Variants in KALRN observed in about 807,000 individuals in gnomAD.
KALRN encodes the protein kalirin RhoGEF kinase.
In KALRN, 70 loss-of-function variants were observed where a neutral mutation model predicts 353.7. That is an observed-to-expected ratio of 0.20 (90% CI 0.16 to 0.24). The LOEUF (loss-of-function observed/expected upper bound fraction) is 0.24, where lower values mean the gene tolerates loss of function less well. Among genes scored for constraint, KALRN ranks in the 10% least tolerant of loss-of-function variants. KALRN has a pLI of 1.00. For missense variants in KALRN, 2,791 were observed against 3,756.7 expected, an observed-to-expected ratio of 0.74 and a Z score of 6.72; for synonymous variants, 1,391 against 1,434.8, an observed-to-expected ratio of 0.97 and a Z score of 0.69.
At chr3:124,078,117 G>A (rs1577839684) in intron 1 of KALRN, among the ~76,000 whole-genome samples, 1 of 152,268 alleles carries the variant, frequency 6.6e-6, no homozygotes, top group East Asian at 1.9e-4. Flanking sequence ...GAACTACTTG[G>A]TGATCTCTGT....
chr3:124,475,912 A>G (rs1221116205), intron 26 of KALRN, among the ~76,000 whole-genome samples: 1 of 152,146 alleles, frequency 6.6e-6, no homozygotes, highest in Admixed American at 6.6e-5. Context: ...TAATGCTGAT[A>G]AATAATTTAT....
chr3:124,563,219 A>G (rs1008162272), intron 34 of KALRN, 130 bp downstream of exon 34: 2 of 994,806 alleles, frequency 2.0e-6, no homozygotes, highest in Non-Finnish European at 2.7e-6. Flanking sequence ...TTTCTTTGGG[A>G]CCTGACTGTG....
At chr3:124,228,412 G>A (rs2078813260) in intron 2 of KALRN, among the ~76,000 whole-genome samples, 1 of 152,202 alleles carries the variant, frequency 6.6e-6, no homozygotes, top group East Asian at 1.9e-4. Context: ...GATCAGGGAC[G>A]GGAGATTTTT....
chr3:124,214,230 T>G (rs955004790), intron 1 of KALRN, among the ~76,000 whole-genome samples: 7 of 152,136 alleles, frequency 4.6e-5, no homozygotes, highest in Admixed American at 6.6e-5. Flanking sequence ...TTTTATAATC[T>G]TTTTCACACT....
In KALRN at chr3:124,174,420, C is replaced by A. The variant is rs188303163; in HGVS notation, c.74-53570C>A. 3.4e-3 allele frequency among the ~76,000 whole-genome samples: 511 copies of A among 152,174 alleles called. 4 individuals are homozygous for A. The highest frequency in any genetic ancestry group is 8.1e-3 in the Admixed American group (124 of 15,292). On this transcript the variant is annotated intron_variant, in intron 1 of 59. Coordinates refer to ENST00000682506, the MANE Select transcript of KALRN (RefSeq NM_001388419.1). ...CTGCACTCCAGCCTGGGCGACAGAG[C>A]AAGACTCTGTCTTAAAAAAAGGAAA...
intron 37 of KALRN, among the ~76,000 whole-genome samples, chr3:124,648,606 T>C (rs1409063577): frequency 6.6e-6 from 1 of 152,196 alleles, no homozygotes; most frequent in Non-Finnish European, 1.5e-5. Context: ...CAGCATCTAA[T>C]GGTCAAGCGA....
chr3:124,064,906 A>G lies in KALRN; in HGVS notation c.73+31093A>G, dbSNP rs115600533. Among the ~76,000 whole-genome samples, 828 of 152,062 alleles carry G rather than the reference A, an allele frequency of 5.4e-3. 4 individuals carry two copies. The highest frequency in any genetic ancestry group is 0.018 in the African/African-American group (753 of 41,476). The stretch of plus-strand genomic sequence containing the variant: ...TCCTCCCCTCTTGGTGAGACTTCTC[A>G]CCCCAGGATGACCCCCCAATCCCTG... On this transcript the variant is annotated intron_variant, in intron 1 of 59. Coordinates refer to ENST00000682506, the MANE Select transcript of KALRN (RefSeq NM_001388419.1).
At chr3:124,387,289 C>G (rs1351948668) in intron 11 of KALRN, among the ~76,000 whole-genome samples, 1 of 152,194 alleles carries the variant, frequency 6.6e-6, no homozygotes, top group Non-Finnish European at 1.5e-5. Context: ...GCTATAAAGT[C>G]ACATTCATGT....
chr3:124,398,891 G>C lies in KALRN; in HGVS notation c.2346+20G>C, dbSNP rs767647259. Reference sequence around the variant, plus strand: ...ATCGAGGTAGCAGGGGGCCAGGAGGGGAGGTGGAGAGGGGCCAAGAAGTGC... The same window carrying C: ...ATCGAGGTAGCAGGGGGCCAGGAGGCGAGGTGGAGAGGGGCCAAGAAGTGC... On this transcript the variant is annotated intron_variant, in intron 13 of 59. Coordinates refer to ENST00000682506, the MANE Select transcript of KALRN (RefSeq NM_001388419.1). The C allele has an allele frequency of 1.3e-6, 2 of 1,585,228 alleles. No individual in the cohort carries two copies. The highest frequency in any genetic ancestry group is 1.2e-5 in the South Asian group (1 of 85,112).
chr3:124,114,768 C>T (rs1340875982), intron 1 of KALRN, among the ~76,000 whole-genome samples: 1 of 152,092 alleles, frequency 6.6e-6, no homozygotes. Context: ...GGCTGAGGTG[C>T]AACATGAGGA....
chr3:124,660,419 C>T (rs179688), intron 43 of KALRN, among the ~76,000 whole-genome samples: 42,929 of 151,950 alleles, frequency 0.28, 7,283 homozygotes, highest in African/African-American at 0.48. Context: ...CAGTCACTCA[C>T]GCCTGTAATC....
rs79437031 is a variant in KALRN at position 124,293,016 on chromosome 3, T to A, written c.970-5775T>A. ...CTGATTTGAATTCTGTTCCTTGCGC[T>A]CTAACACTCATACAATTTTATTTTG... On this transcript the variant is annotated intron_variant, in intron 5 of 59. Coordinates refer to ENST00000682506, the MANE Select transcript of KALRN (RefSeq NM_001388419.1). Among the ~76,000 whole-genome samples the A allele has an allele frequency of 4.9e-3, 752 of 152,346 alleles. 2 individuals are homozygous for A. The highest frequency in any genetic ancestry group is 0.01 in the Middle Eastern group (3 of 294).
chr3:124,571,042 C>T (rs2073456038), intron 34 of KALRN, among the ~76,000 whole-genome samples: 1 of 152,180 alleles, frequency 6.6e-6, no homozygotes, highest in Non-Finnish European at 1.5e-5. Flanking sequence ...GAAATCCAAA[C>T]ACTTTCTACC....
chr3:124,571,573 A>G (rs1347051805), intron 34 of KALRN, among the ~76,000 whole-genome samples: 2 of 152,184 alleles, frequency 1.3e-5, no homozygotes, highest in Non-Finnish European at 2.9e-5. Context: ...GTCTTCCTGA[A>G]TTACCTCTAG....
At chr3:124,717,544 A>C (rs1317731849) in intron 59 of KALRN, among the ~76,000 whole-genome samples, 159 bp downstream of exon 59, 2 of 151,960 alleles carry the variant, frequency 1.3e-5, no homozygotes, top group Admixed American at 1.3e-4. Context: ...AAATACAAAA[A>C]AATTAGCCAG....
intron 43 of KALRN, among the ~76,000 whole-genome samples, 162 bp downstream of exon 43, chr3:124,659,619 T>C (rs1197367205): frequency 6.6e-6 from 1 of 152,188 alleles, no homozygotes; most frequent in African/African-American, 2.4e-5. Context: ...TTTATCTGAC[T>C]GCTGGTTACT....
chr3:124,584,661 G>A (rs1464563361), intron 34 of KALRN: 7 of 1,413,446 alleles, frequency 5.0e-6, no homozygotes, highest in South Asian at 1.5e-5. Context: ...AGGTGGCAGT[G>A]GCTCCCAGTA....
At chr3:124,225,498 G>T (rs970505550) in intron 1 of KALRN, among the ~76,000 whole-genome samples, 15 of 152,184 alleles carry the variant, frequency 9.9e-5, no homozygotes, top group African/African-American at 3.6e-4. Flanking sequence ...GGCCTGGGAA[G>T]TAGAAGCCCT....
intron 34 of KALRN, among the ~76,000 whole-genome samples, chr3:124,577,194 T>G (rs2074199165): frequency 6.9e-6 from 1 of 144,248 alleles, no homozygotes; most frequent in African/African-American, 2.7e-5. Flanking sequence ...GACAAGACAG[T>G]GATCAGTAAT....
Sources: allele counts gnomAD v4.1 joint callset (sites outside exome capture counted in the v4.1 genomes callset), GRCh38; gene constraint gnomAD v4.1.1; transcripts MANE v1.5; gene names NCBI Gene and HGNC (gene_info 2026-07-23, HGNC 2026-07-21).